The following GABRA2 variants were observed in gnomAD, a reference collection of about 807,000 sequenced individuals.
GABRA2 encodes gamma-aminobutyric acid type A receptor subunit alpha2.
Under a neutral mutation model 48.7 loss-of-function variants are expected in GABRA2, and 16 were observed. The ratio of observed to expected loss-of-function variants is 0.33; its 90% CI spans 0.22 to 0.50. GABRA2 has a LOEUF of 0.50. GABRA2 is among the 20% of genes least tolerant of loss of function. The probability of loss-of-function intolerance (pLI) is 0.98; values close to 1 mark genes in which losing one functional copy is unlikely to be tolerated. For synonymous variants in GABRA2, 185 were observed against 184.5 expected (o/e 1.00, Z -0.02); for missense variants, 275 against 535.6 (o/e 0.51, Z 4.80).
chr4:46,361,999 A>G (rs1239043220), intron 3 of GABRA2, among the ~76,000 whole-genome samples: 2 of 152,134 alleles, frequency 1.3e-5, no homozygotes, highest in Non-Finnish European at 2.9e-5. Context: ...CTTGCTTTTG[A>G]TTTTACAGGC....
chr4:46,261,857 CAT>C, intron 9 of GABRA2, 67 bp downstream of exon 9: 1 of 1,258,190 alleles, frequency 7.9e-7, no homozygotes, highest in Non-Finnish European at 1.2e-6. Context: ...TTTTTAGAAA[CAT>C]ATCTGTTACA....
intron 3 of GABRA2, chr4:46,364,962 A>G (rs1167862356): frequency 6.6e-6 from 1 of 152,202 alleles, no homozygotes; most frequent in Non-Finnish European, 1.5e-5. Context: ...ATGTTTTAAA[A>G]ATTGTCTATT....
chr4:46,342,126 A>C (rs1021358729), intron 3 of GABRA2, among the ~76,000 whole-genome samples: 1 of 152,070 alleles, frequency 6.6e-6, no homozygotes, highest in South Asian at 2.1e-4. Flanking sequence ...TAAGTTGTGC[A>C]TGGAGAATGC....
Position 46,245,331 on chromosome 4 carries a change from G to T in GABRA2, c.*4977C>A, listed in dbSNP as rs922972507. On this transcript the variant is annotated 3_prime_UTR_variant, in exon 10 of 10. Transcript: ENST00000381620. The stretch of plus-strand genomic sequence containing the variant: ...TAAATAACCAGATATTTAACTTTTA[G>T]AAGAGCTTACACAAGCCTCCGTTGA... Among the ~76,000 whole-genome samples, 1 of 151,176 alleles carries T rather than the reference G, an allele frequency of 6.6e-6. No individual in the cohort carries two copies. The highest frequency in any genetic ancestry group is 2.4e-5 in the African/African-American group (1 of 41,310).
intron 3 of GABRA2, among the ~76,000 whole-genome samples, chr4:46,339,575 T>C (rs1320130118): frequency 6.6e-6 from 1 of 151,874 alleles, no homozygotes; most frequent in Non-Finnish European, 1.5e-5. Context: ...CAAAGAGAGA[T>C]ACTATGCAAA....
chr4:46,247,551 T>C lies in GABRA2; in HGVS notation c.*2757A>G, dbSNP rs1246750919. On this transcript the variant is annotated 3_prime_UTR_variant, in exon 10 of 10. Coordinates refer to ENST00000381620, the MANE Select transcript of GABRA2 (RefSeq NM_000807.4). ...CTATAAAATAATGAGATTATATCTC[T>C]ATATATGTACATGTATTTATCTACA... Among the ~76,000 whole-genome samples the C allele has an allele frequency of 6.6e-6, 1 of 151,252 alleles. No individual in the cohort carries two copies. Among genetic ancestry groups the C allele is most frequent in the East Asian group, 2.0e-4 (1 of 5,126 alleles).
chr4:46,364,806 T>A (rs557764581), intron 3 of GABRA2: 1 of 152,286 alleles, frequency 6.6e-6, no homozygotes, highest in African/African-American at 2.4e-5. Flanking sequence ...AATGTCCCTT[T>A]CTTAAAGTCA....
chr4:46,331,798 C>T (rs1731404298), intron 4 of GABRA2, among the ~76,000 whole-genome samples: 1 of 152,090 alleles, frequency 6.6e-6, no homozygotes, highest in Non-Finnish European at 1.5e-5. Flanking sequence ...GTGGCAGGAT[C>T]ACAGCTCACT....
intron 3 of GABRA2, among the ~76,000 whole-genome samples, chr4:46,369,394 C>T (rs1380111694): frequency 6.6e-6 from 1 of 152,076 alleles, no homozygotes; most frequent in East Asian, 1.9e-4. Flanking sequence ...TAGGCCAATA[C>T]ATTATGTTGA....
chr4:46,310,431 C>T (rs541377207), intron 5 of GABRA2, among the ~76,000 whole-genome samples, 176 bp from the exon 6 acceptor site: 1 of 152,144 alleles, frequency 6.6e-6, no homozygotes, highest in East Asian at 1.9e-4. Context: ...AAGACATTGG[C>T]GTATACAAAT....
intron 3 of GABRA2, among the ~76,000 whole-genome samples, chr4:46,382,191 C>CATATAT (rs1322016603): frequency 1.7e-4 from 24 of 144,002 alleles, no homozygotes; most frequent in African/African-American, 6.1e-4. Context: ...CACACACACA[C>CATATAT]ACATATATAT....
intron 3 of GABRA2, among the ~76,000 whole-genome samples, chr4:46,341,271 A>G (rs1186821968): frequency 6.6e-6 from 1 of 152,000 alleles, no homozygotes; most frequent in African/African-American, 2.4e-5. Context: ...CTGTATATGG[A>G]ACATATTTTC....
intron 4 of GABRA2, among the ~76,000 whole-genome samples, chr4:46,326,590 G>A (rs1270361285): frequency 6.6e-6 from 1 of 150,564 alleles, no homozygotes; most frequent in Non-Finnish European, 1.5e-5. Flanking sequence ...CTCCTTCTCA[G>A]TCTCTTCTTC....
rs755151087 is a variant in GABRA2, at chr4:46,261,886, G to T, written c.1059+40C>A. ...TCTGTTACAAGCGGAATTCATTAGG[G>T]TATTTTCTTAATAATGATAACACGG... is the stretch of plus-strand genomic sequence containing the variant. On this transcript the variant is annotated intron_variant, in intron 9 of 9. Transcript: ENST00000381620. 5 of 1,480,848 alleles carry T rather than the reference G, an allele frequency of 3.4e-6. No homozygotes were observed. In the African/African-American group the frequency reaches 5.5e-5, roughly 16 times the overall value. 91.7% of individuals were successfully genotyped at this position (1,480,848 alleles called of 1,614,324 possible). A position where few individuals can be genotyped will look rare whatever the true frequency, so the allele number is the denominator to read the frequency against.
chr4:46,359,622 CAT>C (rs1712827561), intron 3 of GABRA2, among the ~76,000 whole-genome samples: 1 of 152,072 alleles, frequency 6.6e-6, no homozygotes, highest in African/African-American at 2.4e-5. Context: ...GTAATTATTT[CAT>C]AGTCATTTTT....
chr4:46,348,301 A>C (rs896501081), intron 3 of GABRA2, among the ~76,000 whole-genome samples: 16 of 152,006 alleles, frequency 1.1e-4, no homozygotes, highest in African/African-American at 3.9e-4. Flanking sequence ...ATGTGGAGAA[A>C]TAGGAACACT....
intron 8 of GABRA2, among the ~76,000 whole-genome samples, chr4:46,279,058 C>T (rs775313713): frequency 5.3e-5 from 8 of 151,690 alleles, no homozygotes; most frequent in Non-Finnish European, 1.0e-4. Flanking sequence ...TTGGGAACTC[C>T]CAGAACTTAC....
intron 3 of GABRA2, among the ~76,000 whole-genome samples, chr4:46,333,366 A>T (rs984442234): frequency 6.6e-6 from 1 of 152,094 alleles, no homozygotes; most frequent in Admixed American, 6.6e-5. Context: ...CAACCAGGTA[A>T]TTTAGATCTT....
chr4:46,284,055 G>A (rs1364683012), intron 8 of GABRA2, among the ~76,000 whole-genome samples: 2 of 147,150 alleles, frequency 1.4e-5, no homozygotes, highest in Admixed American at 6.8e-5. Flanking sequence ...CACCAAGTCC[G>A]GCCTGATTTG....
Sources: allele counts gnomAD v4.1 joint callset (sites outside exome capture counted in the v4.1 genomes callset), GRCh38; gene constraint gnomAD v4.1.1; transcripts MANE v1.5; gene names NCBI Gene and HGNC (gene_info 2026-07-23, HGNC 2026-07-21).